Variants in CLINT1 observed in about 807,000 individuals in gnomAD.
CLINT1 encodes clathrin interacting protein localized in the trans-Golgi region.
In CLINT1, 15 loss-of-function variants were observed where a neutral mutation model predicts 70.4. The observed-to-expected ratio is 0.21, with a 90% CI of 0.14 to 0.33. The LOEUF (loss-of-function observed/expected upper bound fraction) is 0.33, where lower values mean the gene tolerates loss of function less well. Among genes scored for constraint, CLINT1 ranks in the 10% least tolerant of loss-of-function variants. The pLI is 1.00. For synonymous variants in CLINT1, 227 were observed against 254.7 expected (o/e 0.89, Z 1.04); for missense variants, 615 against 778.1 (o/e 0.79, Z 2.49).
At chr5:157,803,137 G>A (rs938871171) in intron 8 of CLINT1, among the ~76,000 whole-genome samples, 2 of 152,192 alleles carry the variant, frequency 1.3e-5, no homozygotes, top group African/African-American at 4.8e-5. Flanking sequence ...AAAATGCGCA[G>A]AGCAGTACCT....
intron 6 of CLINT1, among the ~76,000 whole-genome samples, chr5:157,806,389 A>G (rs907954023): frequency 5.4e-5 from 8 of 148,246 alleles, no homozygotes; most frequent in Non-Finnish European, 1.0e-4. Context: ...AAATGTCAAA[A>G]TAACTCGTTT....
At chr5:157,816,071 G>A (rs979586693) in intron 3 of CLINT1, among the ~76,000 whole-genome samples, 4 of 152,070 alleles carry the variant, frequency 2.6e-5, no homozygotes, top group African/African-American at 9.7e-5. Context: ...CAACCTGAGG[G>A]AATGACACTG....
intron 4 of CLINT1, among the ~76,000 whole-genome samples, 157 bp downstream of exon 4, chr5:157,814,024 CTAAT>C (rs1163714756): frequency 6.6e-6 from 1 of 152,184 alleles, no homozygotes; most frequent in African/African-American, 2.4e-5. Flanking sequence ...CTTGTCTTCA[CTAAT>C]TAATACTCTA....
In CLINT1 at chr5:157,858,987, C is replaced by A. The variant is rs374278082; in HGVS notation, c.-17G>T. The A allele has an allele frequency of 2.7e-5, 43 of 1,610,616 alleles. 1 individual carries two copies. In the African/African-American group the frequency reaches 4.5e-4, roughly 17 times the overall value. ...GTTCAACATCGTGCCCCGCGCGGGACGGTCCGCCGCCTCCCTCTCCTGCTC... is the reference window on the plus strand; with the variant it reads ...GTTCAACATCGTGCCCCGCGCGGGAAGGTCCGCCGCCTCCCTCTCCTGCTC... On this transcript the variant is annotated 5_prime_UTR_variant, in exon 1 of 12. Transcript: ENST00000411809.
At chr5:157,823,460 A>G (rs1374606501) in intron 1 of CLINT1, among the ~76,000 whole-genome samples, 3 of 152,216 alleles carry the variant, frequency 2.0e-5, no homozygotes, top group Admixed American at 6.5e-5. Context: ...TATCAGGTTA[A>G]TAAGTGCAGC....
chr5:157,787,774 C>T lies in CLINT1; in HGVS notation c.1750G>A (p.Gly584Arg). 6.2e-7 allele frequency: 1 copy of T among 1,614,026 alleles called. No homozygotes were observed. The stretch of plus-strand genomic sequence containing the variant: ...AAGCCCATCCCAGCAGCGGACATCC[C>T]TATGTTCATGTTCATGCCCATCATG... ...QSMMGMNMNI[G>R]MSAAGMGLTG... Residue 584 changes from glycine (G) to arginine (R), a missense_variant, in exon 12 of 12, where the codon GGG (glycine) becomes AGG (arginine). Transcript: ENST00000411809.
At chr5:157,844,941 C>T (rs1753317242) in intron 1 of CLINT1, among the ~76,000 whole-genome samples, 1 of 152,190 alleles carries the variant, frequency 6.6e-6, no homozygotes, top group Non-Finnish European at 1.5e-5. Flanking sequence ...CATTAAGGGT[C>T]ACCGACCTCA....
At chr5:157,858,742 G>A (rs1184723657) in intron 1 of CLINT1, among the ~76,000 whole-genome samples, 188 bp downstream of exon 1, 1 of 152,160 alleles carries the variant, frequency 6.6e-6, no homozygotes, top group African/African-American at 2.4e-5. Flanking sequence ...TTAAAACGAG[G>A]GAGGGTCCCT....
chr5:157,838,114 G>GTTT (rs1490058552), intron 1 of CLINT1, among the ~76,000 whole-genome samples: 1 of 135,434 alleles, frequency 7.4e-6, no homozygotes, highest in Non-Finnish European at 1.6e-5. Context: ...TTAAGTCAAG[G>GTTT]TTTTTTTGTT....
At chr5:157,810,857 A>C (rs1762532772) in intron 5 of CLINT1, among the ~76,000 whole-genome samples, 1 of 152,248 alleles carries the variant, frequency 6.6e-6, no homozygotes, top group South Asian at 2.1e-4. Context: ...AGGATCTAAA[A>C]GGATACATAG....
intron 1 of CLINT1, among the ~76,000 whole-genome samples, chr5:157,836,814 C>T (rs1369553987): frequency 2.0e-5 from 3 of 152,218 alleles, no homozygotes; most frequent in Non-Finnish European, 4.4e-5. Context: ...CTCCTCTGGC[C>T]ACTCTATCTA....
At chr5:157,827,495 T>G (rs1457623379) in intron 1 of CLINT1, among the ~76,000 whole-genome samples, 1 of 152,196 alleles carries the variant, frequency 6.6e-6, no homozygotes. Flanking sequence ...TTTCTGCCCC[T>G]TAAAGTCTGT....
intron 1 of CLINT1, among the ~76,000 whole-genome samples, chr5:157,838,083 A>G (rs1366536535): frequency 6.6e-6 from 1 of 151,710 alleles, no homozygotes; most frequent in East Asian, 1.9e-4. Flanking sequence ...CACTTTTAAC[A>G]AATGGCCAAT....
At chr5:157,832,090 C>T (rs1763264919) in intron 1 of CLINT1, among the ~76,000 whole-genome samples, 1 of 152,144 alleles carries the variant, frequency 6.6e-6, no homozygotes, top group Non-Finnish European at 1.5e-5. Flanking sequence ...CAAATTCAAG[C>T]GACTCTTGTA....
intron 1 of CLINT1, among the ~76,000 whole-genome samples, chr5:157,841,196 G>C (rs1753161642): frequency 6.6e-6 from 1 of 152,172 alleles, no homozygotes; most frequent in Non-Finnish European, 1.5e-5. Flanking sequence ...ATGCCGGGAG[G>C]TTGAGGCAGC....
rs543290608 is a variant in CLINT1, at chr5:157,845,074, T to G, written c.41+13856A>C. Among the ~76,000 whole-genome samples the G allele has an allele frequency of 2.6e-5, 4 of 152,252 alleles. No individual in the cohort carries two copies. In the South Asian group the frequency reaches 8.3e-4, roughly 32 times the overall value. ...AGAATCTTAAGTACTGTAGCCTGGG[T>G]GCAGTGGCTCACGCCTGTAATCCCA... On this transcript the variant is annotated intron_variant, in intron 1 of 11. Coordinates refer to ENST00000411809, the MANE Select transcript of CLINT1 (RefSeq NM_014666.4).
chr5:157,828,448 A>C (rs182022436), intron 1 of CLINT1, among the ~76,000 whole-genome samples: 139 of 152,278 alleles, frequency 9.1e-4, no homozygotes, highest in African/African-American at 3.3e-3. Context: ...TAGAAGAAGA[A>C]GCCTCATAAC....
chr5:157,806,202 C>T lies in CLINT1; in HGVS notation c.696-90G>A, dbSNP rs1051589987. 13 of 1,310,732 alleles carry T rather than the reference C, an allele frequency of 9.9e-6. No individual in the cohort carries two copies. In the African/African-American group the frequency reaches 1.6e-4, roughly 16 times the overall value. 81.2% of individuals were successfully genotyped at this position (1,310,732 alleles called of 1,614,324 possible). On this transcript the variant is annotated intron_variant, in intron 6 of 11. Coordinates refer to ENST00000411809, the MANE Select transcript of CLINT1 (RefSeq NM_014666.4). ...GATTTGAGCTAAAGAATTTCAAATA[C>T]AGTAACTCCAAAATTTCATACTTTG...
intron 9 of CLINT1, among the ~76,000 whole-genome samples, chr5:157,794,241 T>C (rs1313481489): frequency 6.6e-6 from 1 of 151,966 alleles, no homozygotes; most frequent in East Asian, 1.9e-4. Context: ...AAGGCTTTCA[T>C]AAAGTTAAAC....
Sources: allele counts gnomAD v4.1 joint callset (sites outside exome capture counted in the v4.1 genomes callset), GRCh38; gene constraint gnomAD v4.1.1; transcripts MANE v1.5; gene names NCBI Gene and HGNC (gene_info 2026-07-23, HGNC 2026-07-21).